Variants in MAP3K19 observed in about 807,000 individuals in gnomAD.
MAP3K19 encodes the protein mitogen-activated protein kinase kinase kinase 19.
A neutral mutation model predicts 114.4 loss-of-function variants in MAP3K19; 91 were observed. That is an observed-to-expected ratio of 0.80 (90% CI 0.67 to 0.95). The LOEUF (loss-of-function observed/expected upper bound fraction) is 0.95, where lower values mean the gene tolerates loss of function less well. Among genes scored for constraint, MAP3K19 ranks in the 40% least tolerant of loss-of-function variants. The pLI is 0.00. For missense variants in MAP3K19, 1,471 were observed against 1,573.2 expected, an observed-to-expected ratio of 0.94 and a Z score of 1.10; for synonymous variants, 518 against 530.5, an observed-to-expected ratio of 0.98 and a Z score of 0.32.
chr2:135,016,921 T>A (rs1410368508), intron 5 of MAP3K19, among the ~76,000 whole-genome samples: 1 of 152,206 alleles, frequency 6.6e-6, no homozygotes, highest in African/African-American at 2.4e-5. Flanking sequence ...CAATGATGGG[T>A]CTTGCAGTGA....
chr2:135,013,348 G>C (rs1687369331), intron 5 of MAP3K19, among the ~76,000 whole-genome samples: 1 of 151,326 alleles, frequency 6.6e-6, no homozygotes, highest in Non-Finnish European at 1.5e-5. Flanking sequence ...GAAGAACAAG[G>C]TATAGGGATT....
At chr2:134,990,202 A>G (rs1263605968) in intron 9 of MAP3K19, among the ~76,000 whole-genome samples, 1 of 152,122 alleles carries the variant, frequency 6.6e-6, no homozygotes, top group Non-Finnish European at 1.5e-5. Context: ...CTACTCTAGG[A>G]ACTATATGTG....
intron 9 of MAP3K19, 50 bp downstream of exon 9, chr2:134,991,487 G>A (rs780570484): frequency 2.7e-6 from 4 of 1,489,294 alleles, no homozygotes; most frequent in Non-Finnish European, 3.8e-6. Flanking sequence ...TTAGTGAATA[G>A]AGTTGTTTGG....
intron 6 of MAP3K19, among the ~76,000 whole-genome samples, chr2:135,000,950 A>T (rs11895609): frequency 0.25 from 37,760 of 151,926 alleles, 6,074 homozygotes; most frequent in African/African-American, 0.43. Flanking sequence ...TTCTGCCACT[A>T]CCTGGGTGAC....
At chr2:135,015,598 G>A (rs972964183) in intron 5 of MAP3K19, among the ~76,000 whole-genome samples, 14 of 152,042 alleles carry the variant, frequency 9.2e-5, no homozygotes, top group African/African-American at 3.1e-4. Context: ...TGTGTGTTCT[G>A]TTGTAAAAAT....
Position 135,024,475 on chromosome 2 carries a change from T to C in MAP3K19, c.22+151A>G, listed in dbSNP as rs546939425. On this transcript the variant is annotated intron_variant, in intron 4 of 12. Transcript: ENST00000392915. ...ACTTCTTTGCATCCCCCAGAGCACC[T>C]AGTCGTGGGCCTTGTACAGAGTCAC... 8 of 729,332 alleles carry C rather than the reference T, an allele frequency of 1.1e-5. No homozygotes were observed. The East Asian group carries it at 1.8e-4, about 16-fold the overall frequency. 45.2% of individuals were successfully genotyped at this position (729,332 alleles called of 1,614,324 possible). A position where few individuals can be genotyped will look rare whatever the true frequency, so the allele number is the denominator to read the frequency against.
intron 10 of MAP3K19, 91 bp downstream of exon 10, chr2:134,985,709 A>G: frequency 2.6e-6 from 3 of 1,174,144 alleles, no homozygotes; most frequent in African/African-American, 3.1e-5. Flanking sequence ...TTTAGGGTTT[A>G]TAATTCCTCA....
intron 6 of MAP3K19, among the ~76,000 whole-genome samples, chr2:135,000,276 T>A (rs188774702): frequency 1.3e-5 from 2 of 152,332 alleles, no homozygotes; most frequent in Admixed American, 1.3e-4. Context: ...AACTATGTTG[T>A]CCTCAGGATG....
At position 135,024,652 on chromosome 2, in the gene MAP3K19, A is replaced by G. The variant is rs752959008; in HGVS notation, c.-5T>C. Reference sequence around the variant, plus strand: ...TGGTTTTGGCATAGAACTCATTAAAATGTCCAAAAGCTGCTGTTTCTTTGA... The same window carrying G: ...TGGTTTTGGCATAGAACTCATTAAAGTGTCCAAAAGCTGCTGTTTCTTTGA... On this transcript the variant is annotated 5_prime_UTR_variant, in exon 4 of 13. Coordinates refer to ENST00000392915, the MANE Select transcript of MAP3K19 (RefSeq NM_025052.5). 15 of 1,613,574 alleles carry G rather than the reference A, an allele frequency of 9.3e-6. No homozygotes were observed. The highest frequency in any genetic ancestry group is 1.3e-5 in the Non-Finnish European group (15 of 1,179,578).
Position 134,987,391 on chromosome 2 carries a change from C to T in MAP3K19, c.1481G>A (p.Ser494Asn). 6.2e-7 allele frequency: 1 copy of T among 1,614,140 alleles called. No individual in the cohort carries two copies. The highest frequency in any genetic ancestry group is 8.5e-7 in the Non-Finnish European group (1 of 1,180,028). ...LIHITFPVDG[S>N]PKEPVIAKPS... ...TTTGGCTATCACTGGTTCCTTGGGG[C>T]TTCCATCCACAGGGAAGGTGATGTG... The change falls in exon 10 of 13, where the codon AGC becomes AAC. Residue 494 changes from serine (S) to asparagine (N), a missense_variant. Physicochemically the swap from Ser to Asn is conservative, Grantham distance 46 (BLOSUM62 1). Transcript: ENST00000392915.
rs1421094264 is a variant in MAP3K19, at chr2:135,027,157, A to G, written c.-94-2416T>C. Among the ~76,000 whole-genome samples, 4 of 151,934 alleles carry G rather than the reference A, an allele frequency of 2.6e-5. No individual in the cohort carries two copies. The East Asian group carries it at 7.7e-4, about 29-fold the overall frequency. On this transcript the variant is annotated intron_variant, in intron 3 of 12. Transcript: ENST00000392915. ...CTACTCGAGAGGCTGAGGCAGGAGG[A>G]TCCATGGAGCCCAGGAGTTTGAGGT...
intron 12 of MAP3K19, among the ~76,000 whole-genome samples, chr2:134,967,774 G>A (rs1445263120): frequency 6.6e-6 from 1 of 151,850 alleles, no homozygotes; most frequent in South Asian, 2.1e-4. Context: ...GCCTGTGCCT[G>A]TTCAGATCCT....
rs182062202 is a variant in MAP3K19 at position 135,005,253 on chromosome 2, G to C, written c.235+182C>G. ...GTTGTACAAATTATTTTATCACCCA[G>C]GTATTAAGCCTAGTACCCATTAATT... On this transcript the variant is annotated intron_variant, in intron 6 of 12. Transcript: ENST00000392915. Among the ~76,000 whole-genome samples the C allele has an allele frequency of 6.5e-4, 99 of 152,234 alleles. No homozygotes were observed. The Middle Eastern group carries it at 0.017, about 26-fold the overall frequency.
At chr2:134,984,893 A>C (rs1329804891) in intron 10 of MAP3K19, among the ~76,000 whole-genome samples, 2 of 152,214 alleles carry the variant, frequency 1.3e-5, no homozygotes, top group Admixed American at 6.5e-5. Context: ...TGGAGTTTGC[A>C]GCAAGCCGAG....
chr2:135,038,439 G>C (rs1207437620), intron 2 of MAP3K19, among the ~76,000 whole-genome samples: 1 of 151,980 alleles, frequency 6.6e-6, no homozygotes, highest in Non-Finnish European at 1.5e-5. Context: ...GACCAGCCAT[G>C]TTCCTGCATA....
Position 134,980,825 on chromosome 2 carries a change from T to A in MAP3K19, c.3916A>T (p.Thr1306Ser). 6.2e-7 allele frequency: 1 copy of A among 1,610,740 alleles called. No individual in the cohort carries two copies. Among genetic ancestry groups the A allele is most frequent in the East Asian group, 2.2e-5 (1 of 44,792 alleles). ...NAADFVRMCL[T>S]RDQHERPSAL... ...CTCTTGCTTTCAGTTTCTTACCTGG[T>A]CAGGCACATGCGCACAAAGTCTGCT... The change falls in exon 12 of 13, where the codon ACC becomes TCC. Residue 1306 changes from threonine to serine, a missense_variant. Thr to Ser is a moderately conservative substitution (Grantham distance 58). Coordinates refer to ENST00000392915, the MANE Select transcript of MAP3K19 (RefSeq NM_025052.5).
At chr2:135,010,086 A>G (rs1687115059) in intron 5 of MAP3K19, among the ~76,000 whole-genome samples, 1 of 152,138 alleles carries the variant, frequency 6.6e-6, no homozygotes, top group African/African-American at 2.4e-5. Context: ...AGTTTGAAAC[A>G]ATGAATTTCA....
intron 5 of MAP3K19, among the ~76,000 whole-genome samples, chr2:135,011,454 G>A (rs1407225591): frequency 6.6e-6 from 1 of 150,750 alleles, no homozygotes; most frequent in African/African-American, 2.5e-5. Context: ...GGAGAATGGC[G>A]TGAACCCGGG....
intron 9 of MAP3K19, among the ~76,000 whole-genome samples, chr2:134,990,489 T>C (rs1483719429): frequency 1.3e-5 from 2 of 151,958 alleles, no homozygotes; most frequent in Non-Finnish European, 2.9e-5. Context: ...TTGTTTGTTT[T>C]ATTTTTGAGA....
Sources: gnomAD v4.1 joint callset for allele counts (sites outside exome capture counted in the v4.1 genomes callset) on GRCh38, gnomAD v4.1.1 for gene constraint, MANE v1.5 for transcripts, NCBI Gene and HGNC (gene_info 2026-07-23, HGNC 2026-07-21) for gene names.